The following BCKDHA variants were observed in gnomAD, a reference collection of about 807,000 sequenced individuals.
The protein encoded by BCKDHA is 2-oxoisovalerate dehydrogenase subunit alpha, mitochondrial.
Under a neutral mutation model 52.2 loss-of-function variants are expected in BCKDHA, and 43 were observed. That is an observed-to-expected ratio of 0.82 (90% CI 0.64 to 1.06). BCKDHA has a LOEUF of 1.06. Among genes scored for constraint, BCKDHA ranks in the 50% least tolerant of loss-of-function variants. The probability of loss-of-function intolerance (pLI) is 0.00; values close to 1 mark genes in which losing one functional copy is unlikely to be tolerated. For missense variants in BCKDHA, 527 were observed against 621.3 expected, an observed-to-expected ratio of 0.85 and a Z score of 1.61; for synonymous variants, 234 against 247.9, an observed-to-expected ratio of 0.94 and a Z score of 0.53.
chr19:41,420,667 C>G (rs1316560716), intron 5 of BCKDHA, among the ~76,000 whole-genome samples: 1 of 152,128 alleles, frequency 6.6e-6, no homozygotes, highest in Admixed American at 6.5e-5. Flanking sequence ...GGGAGAGGAG[C>G]AGGGACTCAA....
At chr19:41,399,186 G>T (rs1041261878) in intron 1 of BCKDHA, among the ~76,000 whole-genome samples, 11 of 152,126 alleles carry the variant, frequency 7.2e-5, no homozygotes, top group African/African-American at 2.7e-4. Context: ...GGGAACAAAC[G>T]GGAGGAGGGT....
At chr19:41,408,540 G>A (rs975165620) in intron 1 of BCKDHA, among the ~76,000 whole-genome samples, 5 of 151,018 alleles carry the variant, frequency 3.3e-5, no homozygotes, top group Non-Finnish European at 5.9e-5. Context: ...CTTCTCACAG[G>A]TCTCCTGGGC....
chr19:41,418,114 A>C (rs1298552977), intron 4 of BCKDHA, among the ~76,000 whole-genome samples: 3 of 131,444 alleles, frequency 2.3e-5, no homozygotes, highest in Non-Finnish European at 4.9e-5. Flanking sequence ...AAAAAAAAAA[A>C]AAGGTAACTG....
At chr19:41,400,953 A>G (rs1337432703) in intron 1 of BCKDHA, among the ~76,000 whole-genome samples, 3 of 151,922 alleles carry the variant, frequency 2.0e-5, no homozygotes, top group Admixed American at 6.5e-5. Context: ...CGGAGATTGC[A>G]GTGAGCCGAG....
At chr19:41,420,730 G>C (rs551407922) in intron 5 of BCKDHA, among the ~76,000 whole-genome samples, 1 of 152,340 alleles carries the variant, frequency 6.6e-6, no homozygotes, top group Admixed American at 6.5e-5. Flanking sequence ...ACCTTTGTCT[G>C]CCTCAGTCCT....
Position 41,422,660 on chromosome 19 carries a change from A to G in BCKDHA, c.885A>G (p.Ser295=). The G allele has an allele frequency of 6.2e-7, 1 of 1,614,102 alleles. No homozygotes were observed. The highest frequency in any genetic ancestry group is 8.5e-7 in the Non-Finnish European group (1 of 1,180,028). The change falls in exon 7 of 9, where the codon TCA becomes TCG. Residue 295 remains serine (S), a synonymous_variant. Coordinates refer to ENST00000269980, the MANE Select transcript of BCKDHA (RefSeq NM_000709.4). ...AARGPGYGIM[S]IRVDGNDVFA... is the part of the protein sequence containing the mutation. ...GAGGCCCCGGGTATGGCATCATGTCAATCCGCGTGGATGGTAATGATGTGT... is the reference window on the plus strand; with the variant it reads ...GAGGCCCCGGGTATGGCATCATGTCGATCCGCGTGGATGGTAATGATGTGT...
Position 41,402,797 on chromosome 19 carries a change from T to A in BCKDHA, c.108+4862T>A, listed in dbSNP as rs1450344199. Among the ~76,000 whole-genome samples the A allele has an allele frequency of 3.3e-5, 5 of 152,242 alleles. No individual in the cohort carries two copies. In the East Asian group the frequency reaches 9.6e-4, roughly 29 times the overall value. On this transcript the variant is annotated intron_variant, in intron 1 of 8. Coordinates refer to ENST00000269980, the MANE Select transcript of BCKDHA (RefSeq NM_000709.4). Reference sequence around the variant, plus strand: ...CTGGGACTACAGGTGTGTGCCACCGTGTCCGGCTAATTTTTATATTTTTAA... The same window carrying A: ...CTGGGACTACAGGTGTGTGCCACCGAGTCCGGCTAATTTTTATATTTTTAA...
chr19:41,419,324 CATGTGCAGACCA>C lies in BCKDHA; in HGVS notation c.646+33_646+44del, dbSNP rs764065109. The C allele has an allele frequency of 2.0e-4, 324 of 1,598,450 alleles. 1 individual carries two copies. Among genetic ancestry groups the C allele is most frequent in the Non-Finnish European group, 2.7e-4 (315 of 1,172,204 alleles). ...GAGGATGCATGCCCTGTACCTTGCACATGTGCAGACCAATGTCACACCCCTGTCCAGGCCTCA... is the reference window on the plus strand; with the variant it reads ...GAGGATGCATGCCCTGTACCTTGCACATGTCACACCCCTGTCCAGGCCTCA... On this transcript the variant is annotated intron_variant, in intron 5 of 8. Transcript: ENST00000269980.
Position 41,419,306 on chromosome 19 carries a change from C to T in BCKDHA, c.646+10C>T, listed in dbSNP as rs1290429356. On this transcript the variant is annotated intron_variant, in intron 5 of 8. Transcript: ENST00000269980. The stretch of plus-strand genomic sequence containing the variant: ...ACGCAGATCCCTCAGGGTGAGGATG[C>T]ATGCCCTGTACCTTGCACATGTGCA... The T allele has an allele frequency of 1.9e-6, 3 of 1,609,884 alleles. No individual in the cohort carries two copies. Among genetic ancestry groups the T allele is most frequent in the Non-Finnish European group, 2.5e-6 (3 of 1,178,150 alleles).
At chr19:41,418,064 C>G (rs2039324353) in intron 4 of BCKDHA, among the ~76,000 whole-genome samples, 1 of 144,162 alleles carries the variant, frequency 6.9e-6, no homozygotes, top group Non-Finnish European at 1.5e-5. Context: ...TGCACTCCAG[C>G]CTGGGTGGCC....
intron 3 of BCKDHA, among the ~76,000 whole-genome samples, chr19:41,413,461 C>G (rs567295129): frequency 2.0e-5 from 3 of 152,282 alleles, no homozygotes; most frequent in African/African-American, 7.2e-5. Context: ...TCCTCTCCCG[C>G]CTCCCTCTGC....
intron 3 of BCKDHA, among the ~76,000 whole-genome samples, chr19:41,412,052 A>T (rs1031069714): frequency 6.6e-6 from 1 of 152,216 alleles, no homozygotes; most frequent in African/African-American, 2.4e-5. Flanking sequence ...GGTGCTGGCC[A>T]GGCTGCCTTT....
intron 1 of BCKDHA, among the ~76,000 whole-genome samples, chr19:41,409,351 T>C (rs1299942776): frequency 6.6e-6 from 1 of 152,166 alleles, no homozygotes; most frequent in Admixed American, 6.5e-5. Flanking sequence ...TGCTATAGGA[T>C]AATATGAACC....
intron 4 of BCKDHA, among the ~76,000 whole-genome samples, chr19:41,416,737 T>G (rs1052872452): frequency 2.0e-5 from 3 of 151,952 alleles, no homozygotes; most frequent in Admixed American, 1.3e-4. Context: ...CTGGGCAACA[T>G]GGCGAGACCC....
chr19:41,403,938 A>C (rs2039164925), intron 1 of BCKDHA, among the ~76,000 whole-genome samples: 1 of 151,788 alleles, frequency 6.6e-6, no homozygotes, highest in Admixed American at 6.6e-5. Flanking sequence ...GTTTTTTTTT[A>C]TTTTAAAATT....
chr19:41,419,642 G>A (rs761537141), intron 5 of BCKDHA, among the ~76,000 whole-genome samples: 47 of 151,812 alleles, frequency 3.1e-4, no homozygotes, highest in Non-Finnish European at 5.4e-4. Context: ...GGGTTTCACC[G>A]TGTTGGCCAG....
chr19:41,410,827 G>A lies in BCKDHA; in HGVS notation c.288+11G>A, dbSNP rs781428377. 3 of 1,613,898 alleles carry A rather than the reference G, an allele frequency of 1.9e-6. No homozygotes were observed. Among genetic ancestry groups the A allele is most frequent in the Non-Finnish European group, 2.5e-6 (3 of 1,179,976 alleles). On this transcript the variant is annotated intron_variant, in intron 2 of 8. Transcript: ENST00000269980. ...AGCGAGGACCCCCACGTGAGAGGCG[G>A]CCTCCCCCACTTCCCGTGCCCCCCA...
At chr19:41,421,610 G>C (rs1568507685) in intron 5 of BCKDHA, among the ~76,000 whole-genome samples, 1 of 144,690 alleles carries the variant, frequency 6.9e-6, no homozygotes, top group Non-Finnish European at 1.5e-5. Flanking sequence ...AAGTCCAGGA[G>C]GTGGTGGGTG....
At chr19:41,419,365 C>T in intron 5 of BCKDHA, 69 bp downstream of exon 5, 2 of 1,540,372 alleles carry the variant, frequency 1.3e-6, no homozygotes, top group South Asian at 2.4e-5. Context: ...GGCCTCAGCT[C>T]TTTTGCCTGC....
Sources: gnomAD v4.1 joint callset for allele counts (sites outside exome capture counted in the v4.1 genomes callset) on GRCh38, gnomAD v4.1.1 for gene constraint, MANE v1.5 for transcripts, NCBI Gene and HGNC (gene_info 2026-07-23, HGNC 2026-07-21) for gene names.